The following DMTF1 variants were observed in gnomAD, a reference collection of about 807,000 sequenced individuals.
DMTF1 encodes the protein cyclin D binding myb like transcription factor 1, also known as cyclin-D-binding Myb-like transcription factor 1.
In DMTF1, 39 loss-of-function variants were observed where a neutral mutation model predicts 91.1. The observed-to-expected ratio is 0.43, with a 90% CI of 0.33 to 0.56. The LOEUF (loss-of-function observed/expected upper bound fraction) is 0.56, where lower values mean the gene tolerates loss of function less well. Among genes scored for constraint, DMTF1 ranks in the 20% least tolerant of loss-of-function variants. The pLI is 0.05. For synonymous variants in DMTF1, 338 were observed against 309.5 expected, an observed-to-expected ratio of 1.09 and a Z score of -0.97; for missense variants, 750 against 914.5, an observed-to-expected ratio of 0.82 and a Z score of 2.32.
At chr7:87,154,830 T>C (rs987577400) in intron 1 of DMTF1, among the ~76,000 whole-genome samples, 1 of 152,112 alleles carries the variant, frequency 6.6e-6, no homozygotes, top group Non-Finnish European at 1.5e-5. Flanking sequence ...GGTGGGGAGA[T>C]AGTGTATGTA....
At chr7:87,159,784 C>T (rs893412065) in intron 1 of DMTF1, among the ~76,000 whole-genome samples, 2 of 152,172 alleles carry the variant, frequency 1.3e-5, no homozygotes, top group African/African-American at 2.4e-5. Context: ...CAGACCTGTA[C>T]AGCGTGTTAC....
At chr7:87,182,395 A>C in intron 10 of DMTF1, 58 bp downstream of exon 10, 1 of 1,543,412 alleles carries the variant, frequency 6.5e-7, no homozygotes, top group Non-Finnish European at 8.9e-7. Context: ...CCTGCCCCTT[A>C]GGATACTGCC....
Position 87,154,792 on chromosome 7 carries a change from T to C in DMTF1, c.-132+2237T>C, listed in dbSNP as rs188661099. ...ATCTCTTTTTTCAATCCTTTAGTTA[T>C]CTCATTACACCCCAGGGGTGCTTTA... On this transcript the variant is annotated intron_variant, in intron 1 of 17. Coordinates refer to ENST00000331242, the MANE Select transcript of DMTF1 (RefSeq NM_001142327.2). Among the ~76,000 whole-genome samples, 398 of 152,246 alleles carry C rather than the reference T, an allele frequency of 2.6e-3. 3 individuals are homozygous for C. The highest frequency in any genetic ancestry group is 6.8e-3 in the Middle Eastern group (2 of 294).
rs955723080 is a variant in DMTF1 at position 87,157,205 on chromosome 7, T to G, written c.-132+4650T>G. 7.2e-5 allele frequency among the ~76,000 whole-genome samples: 11 copies of G among 152,290 alleles called. 1 individual carries two copies. The South Asian group carries it at 2.3e-3, about 32-fold the overall frequency. ...TTTCTCAGCCTGTGTTTCTCAGTCT[T>G]TAACTCACCTAACAAAATTGTGGTG... On this transcript the variant is annotated intron_variant, in intron 1 of 17. Coordinates refer to ENST00000331242, the MANE Select transcript of DMTF1 (RefSeq NM_001142327.2).
rs773180483 is a variant in DMTF1, at chr7:87,188,144, G to A, written c.1254G>A (p.Thr418=). ...QLHENQKNNP[T]LLENKSGSGV... is the part of the protein sequence containing the mutation. ...ATGAGAACCAAAAAAACAACCCAAC[G>A]CTTTTGGAGAATAAATCAGGATCTG... The change falls in exon 13 of 18, where the codon ACG becomes ACA. Residue 418 remains threonine, a synonymous_variant. Coordinates refer to ENST00000331242, the MANE Select transcript of DMTF1 (RefSeq NM_001142327.2). 47 of 1,613,688 alleles carry A rather than the reference G, an allele frequency of 2.9e-5. No individual in the cohort carries two copies. The highest frequency in any genetic ancestry group is 8.3e-5 in the Admixed American group (5 of 59,938).
At chr7:87,174,547 T>C (rs1795832053) in intron 6 of DMTF1, 46 bp from the exon 7 acceptor site, 3 of 1,282,832 alleles carry the variant, frequency 2.3e-6, no homozygotes, top group Non-Finnish European at 3.3e-6. Flanking sequence ...TTTTATTTCT[T>C]TCAAGGAGTA....
intron 1 of DMTF1, among the ~76,000 whole-genome samples, chr7:87,155,242 C>G (rs892444685): frequency 1.3e-5 from 2 of 152,156 alleles, no homozygotes; most frequent in African/African-American, 4.8e-5. Context: ...ACATCAAAAG[C>G]TTAGAAAGGA....
chr7:87,185,254 T>C (rs1185297261), intron 11 of DMTF1, among the ~76,000 whole-genome samples: 1 of 152,236 alleles, frequency 6.6e-6, no homozygotes, highest in Non-Finnish European at 1.5e-5. Context: ...TCACCATGGC[T>C]ACTCCCTACC....
At chr7:87,160,781 T>C (rs1792123282) in intron 1 of DMTF1, among the ~76,000 whole-genome samples, 1 of 152,190 alleles carries the variant, frequency 6.6e-6, no homozygotes, top group Admixed American at 6.5e-5. Context: ...ACTCTTGTGC[T>C]TCTTAGTTAA....
chr7:87,172,667 T>C (rs11971364), intron 5 of DMTF1, among the ~76,000 whole-genome samples: 5,606 of 152,344 alleles, frequency 0.037, 124 homozygotes, highest in East Asian at 0.064. Context: ...TGAATTGGGT[T>C]CAGTGGTCAC....
intron 4 of DMTF1, among the ~76,000 whole-genome samples, chr7:87,167,866 C>T (rs1794195525): frequency 6.6e-6 from 1 of 152,168 alleles, no homozygotes; most frequent in African/African-American, 2.4e-5. Context: ...TAAATATTTT[C>T]TAAGCTAGAA....
At chr7:87,164,805 G>A (rs2074757) in intron 2 of DMTF1, 129 bp from the exon 3 acceptor site, 370,288 of 440,512 alleles carry the variant, frequency 0.84, 157,320 homozygotes, top group Middle Eastern at 0.93. Context: ...TCTCATTGCA[G>A]TTTTACATGA....
At chr7:87,159,943 A>G (rs1376697149) in intron 1 of DMTF1, among the ~76,000 whole-genome samples, 1 of 152,232 alleles carries the variant, frequency 6.6e-6, no homozygotes, top group Admixed American at 6.5e-5. Context: ...GTTACGTGTT[A>G]CATGACTGTC....
At chr7:87,167,135 G>A (rs1794012076) in intron 4 of DMTF1, among the ~76,000 whole-genome samples, 1 of 152,072 alleles carries the variant, frequency 6.6e-6, no homozygotes, top group Non-Finnish European at 1.5e-5. Flanking sequence ...AGGCATTCTG[G>A]TTCCTGTAAT....
Position 87,194,209 on chromosome 7 carries a change from A to AACCTCAC in DMTF1, c.2028+116_2028+122dup. ...CTCATGAAATTAAGCTCAAACCCCC[A>AACCTCAC]ACCTCACACCTCACAAAGTGTTGTC... On this transcript the variant is annotated intron_variant, in intron 16 of 17. Coordinates refer to ENST00000331242, the MANE Select transcript of DMTF1 (RefSeq NM_001142327.2). The AACCTCAC allele has an allele frequency of 3.2e-6, 4 of 1,236,720 alleles. No homozygotes were observed. The South Asian group carries it at 4.5e-5, about 14-fold the overall frequency. The allele number at this position is 1,236,720 out of a possible 1,614,324, so 76.6% of individuals were successfully genotyped here.
intron 14 of DMTF1, 42 bp downstream of exon 14, chr7:87,191,069 G>T: frequency 7.7e-7 from 1 of 1,291,568 alleles, no homozygotes; most frequent in African/African-American, 1.5e-5. Flanking sequence ...TTATGCATGA[G>T]AAAGATCAGT....
Position 87,190,929 on chromosome 7 carries a change from C to T in DMTF1, c.1412-16C>T. The T allele has an allele frequency of 2.5e-6, 4 of 1,600,496 alleles. No homozygotes were observed. Among genetic ancestry groups the T allele is most frequent in the Non-Finnish European group, 3.4e-6 (4 of 1,172,200 alleles). On this transcript the variant is annotated splice_polypyrimidine_tract_variant and intron_variant, in intron 13 of 17. Coordinates refer to ENST00000331242, the MANE Select transcript of DMTF1 (RefSeq NM_001142327.2). ...GTAAATTATTCTTACCACAGCTTAC[C>T]TTATTCTTACCACAGCTTCAGCAGA...
chr7:87,180,217 C>A (rs1797039906), intron 8 of DMTF1, among the ~76,000 whole-genome samples: 2 of 152,106 alleles, frequency 1.3e-5, no homozygotes, highest in Admixed American at 6.5e-5. Context: ...TTTTTAATTT[C>A]TCTTTGGAAA....
intron 10 of DMTF1, among the ~76,000 whole-genome samples, chr7:87,182,732 A>C (rs1197455365): frequency 6.6e-6 from 1 of 152,192 alleles, no homozygotes; most frequent in Non-Finnish European, 1.5e-5. Flanking sequence ...TTTATGAAAA[A>C]CTTTAGTCAC....
Sources: gnomAD v4.1 joint callset for allele counts (sites outside exome capture counted in the v4.1 genomes callset) on GRCh38, gnomAD v4.1.1 for gene constraint, MANE v1.5 for transcripts, NCBI Gene and HGNC (gene_info 2026-07-23, HGNC 2026-07-21) for gene names.